The following PM20D2 variants were observed in gnomAD, a reference collection of about 807,000 sequenced individuals.
PM20D2 encodes xaa-Arg dipeptidase.
A neutral mutation model predicts 42.9 loss-of-function variants in PM20D2; 33 were observed. The ratio of observed to expected loss-of-function variants is 0.77; its 90% CI spans 0.58 to 1.03. The LOEUF (loss-of-function observed/expected upper bound fraction) is 1.03. PM20D2 is among the 50% of genes least tolerant of loss of function. The probability of loss-of-function intolerance (pLI) is 0.00; values close to 1 mark genes in which losing one functional copy is unlikely to be tolerated. For missense variants in PM20D2, 548 were observed against 557.0 expected, an observed-to-expected ratio of 0.98 and a Z score of 0.16; for synonymous variants, 250 against 228.2, an observed-to-expected ratio of 1.10 and a Z score of -0.86.
At chr6:89,125,783 C>CAAAA in the PM20D2 span, among the ~76,000 whole-genome samples, 1 of 143,356 alleles carries the variant, frequency 7.0e-6, no homozygotes. Context: ...AACTCTGTCT[C>CAAAA]AAAAAAAAAA....
intron 4 of PM20D2, among the ~76,000 whole-genome samples, chr6:89,155,741 C>G (rs957987845): frequency 6.6e-6 from 1 of 152,104 alleles, no homozygotes; most frequent in Non-Finnish European, 1.5e-5. Flanking sequence ...CAAAGTCTTG[C>G]TCTATTGCCC....
chr6:89,105,462 T>G, the PM20D2 span: 1 of 1,611,058 alleles, frequency 6.2e-7, no homozygotes, highest in Non-Finnish European at 8.5e-7. Flanking sequence ...TATTTCAATC[T>G]GACGGCCACA....
chr6:89,124,165 C>T, the PM20D2 span, among the ~76,000 whole-genome samples: 1 of 152,176 alleles, frequency 6.6e-6, no homozygotes, highest in Non-Finnish European at 1.5e-5. Flanking sequence ...TGAAGACATA[C>T]TGGCACAAAA....
rs35367725 is a variant in PM20D2 at position 89,152,732 on chromosome 6, A to AT, written c.615-299dup. On this transcript the variant is annotated intron_variant, in intron 2 of 6. Coordinates refer to ENST00000275072, the MANE Select transcript of PM20D2 (RefSeq NM_001010853.3). ...TGCTGTGTAAAAACATACAGGATCC[A>AT]TTTTTTTTTTTTGTAATTTCAGCAC... Among the ~76,000 whole-genome samples the AT allele has an allele frequency of 4.1e-3, 600 of 146,668 alleles. 5 individuals carry two copies. Among genetic ancestry groups the AT allele is most frequent in the South Asian group, 0.014 (64 of 4,664 alleles).
chr6:89,099,089 G>T, the PM20D2 span: 2 of 1,087,752 alleles, frequency 1.8e-6, no homozygotes, highest in Non-Finnish European at 2.5e-6. Context: ...ATTTTATTAT[G>T]CATGCTTTTG....
the PM20D2 span, chr6:89,105,591 T>C: frequency 1.6e-6 from 2 of 1,216,162 alleles, no homozygotes; most frequent in Non-Finnish European, 2.3e-6. Context: ...TTTAAAAGCA[T>C]TATTTACATG....
the PM20D2 span, among the ~76,000 whole-genome samples, chr6:89,102,222 C>T: frequency 6.6e-6 from 1 of 152,060 alleles, no homozygotes; most frequent in Admixed American, 6.6e-5. Flanking sequence ...TGGCTCACTG[C>T]AACCTCTGTC....
chr6:89,111,861 G>A, the PM20D2 span, among the ~76,000 whole-genome samples: 1 of 151,982 alleles, frequency 6.6e-6, no homozygotes, highest in Admixed American at 6.6e-5. Context: ...CAGGGTCTCA[G>A]GTCTCACTCT....
chr6:89,126,756 CT>C, the PM20D2 span, among the ~76,000 whole-genome samples: 2 of 151,982 alleles, frequency 1.3e-5, no homozygotes, highest in African/African-American at 4.8e-5. Context: ...TTTGGCACCC[CT>C]TATGGCCCAG....
the PM20D2 span, among the ~76,000 whole-genome samples, chr6:89,134,012 A>T: frequency 6.6e-6 from 1 of 151,348 alleles, no homozygotes; most frequent in Non-Finnish European, 1.5e-5. Context: ...ACGGATGAAT[A>T]ACGTACACTG....
the PM20D2 span, among the ~76,000 whole-genome samples, chr6:89,130,764 ACTT>A: frequency 6.9e-6 from 1 of 144,570 alleles, no homozygotes; most frequent in Non-Finnish European, 1.5e-5. Context: ...CTGGCCTTGA[ACTT>A]CTAATAAATG....
intron 5 of PM20D2, among the ~76,000 whole-genome samples, chr6:89,158,758 A>G (rs909919996): frequency 3.9e-5 from 6 of 152,218 alleles, no homozygotes; most frequent in African/African-American, 1.4e-4. Context: ...AAGGTGGGAT[A>G]TAGAATTTTA....
intron 5 of PM20D2, among the ~76,000 whole-genome samples, chr6:89,160,475 A>G (rs921123606): frequency 2.0e-5 from 3 of 152,334 alleles, no homozygotes; most frequent in African/African-American, 7.2e-5. Flanking sequence ...TCTCTTACCA[A>G]TCACTGTGTA....
At position 89,146,160 on chromosome 6, in the gene PM20D2, G is replaced by C; in HGVS notation, c.16G>C (p.Glu6Gln). Residue 6 changes from glutamate (E) to glutamine (Q), a missense_variant, in exon 1 of 7, where the codon GAG becomes CAG. Physicochemically the swap from Glu to Gln is conservative, Grantham distance 29. Coordinates refer to ENST00000275072, the MANE Select transcript of PM20D2 (RefSeq NM_001010853.3). Reference sequence around the variant, plus strand: ...CTTGGGCAGCATGAGGCCCGGAGGGGAGCGGCCCGTGGAAGGGGGCGCGTG... The same window carrying C: ...CTTGGGCAGCATGAGGCCCGGAGGGCAGCGGCCCGTGGAAGGGGGCGCGTG... MRPGG[E>Q]RPVEGGACNG... 6.6e-7 allele frequency: 1 copy of C among 1,511,772 alleles called. No individual in the cohort carries two copies. 93.6% of individuals were successfully genotyped at this position (1,511,772 alleles called of 1,614,324 possible).
Position 89,162,342 on chromosome 6 carries a change from T to C in PM20D2, c.*79T>C. 7.3e-7 allele frequency: 1 copy of C among 1,375,706 alleles called. No individual in the cohort carries two copies. Among genetic ancestry groups the C allele is most frequent in the African/African-American group, 1.5e-5 (1 of 68,292 alleles). 85.2% of individuals were successfully genotyped at this position (1,375,706 alleles called of 1,614,324 possible). A position where few individuals can be genotyped will look rare whatever the true frequency, so the allele number is the denominator to read the frequency against. Reference sequence around the variant, plus strand: ...ATCTCTTTTAATGAAGGCATGCTTGTTTTTTAATCTTAAAGGAGTAAAATT... The same window carrying C: ...ATCTCTTTTAATGAAGGCATGCTTGCTTTTTAATCTTAAAGGAGTAAAATT... On this transcript the variant is annotated 3_prime_UTR_variant, in exon 7 of 7. Transcript: ENST00000275072.
At chr6:89,139,388 C>A in the PM20D2 span, among the ~76,000 whole-genome samples, 13 of 152,180 alleles carry the variant, frequency 8.5e-5, no homozygotes, top group South Asian at 2.1e-3. Context: ...TTTTTGTATT[C>A]TTTTGGAGAG....
the PM20D2 span, among the ~76,000 whole-genome samples, chr6:89,133,338 A>C: frequency 6.6e-6 from 1 of 151,348 alleles, no homozygotes; most frequent in Non-Finnish European, 1.5e-5. Flanking sequence ...ATTTTAATAT[A>C]AATCTCATAA....
chr6:89,097,642 C>T, the PM20D2 span: 1 of 151,988 alleles, frequency 6.6e-6, no homozygotes, highest in Non-Finnish European at 1.5e-5. Flanking sequence ...GAGTGAACCA[C>T]CACGCTTGGC....
the PM20D2 span, chr6:89,098,968 A>G: frequency 6.3e-7 from 1 of 1,591,800 alleles, no homozygotes; most frequent in South Asian, 1.1e-5. Context: ...CCATAATGTT[A>G]GAGCATATAT....
Sources: gnomAD v4.1 joint callset for allele counts (sites outside exome capture counted in the v4.1 genomes callset) on GRCh38, gnomAD v4.1.1 for gene constraint, MANE v1.5 for transcripts, NCBI Gene and HGNC (gene_info 2026-07-23, HGNC 2026-07-21) for gene names.